SLC35B3: variants seen among roughly 807,000 people sequenced by gnomAD.
SLC35B3 encodes solute carrier family 35 member B3, also known as adenosine 3'-phospho 5'-phosphosulfate transporter 2.
In SLC35B3, 35 loss-of-function variants were observed where a neutral mutation model predicts 44.1. The observed-to-expected ratio is 0.79, with a 90% CI of 0.61 to 1.05. The LOEUF is 1.05. Ranked by LOEUF, SLC35B3 falls within the 50% of genes least tolerant of loss-of-function variation. SLC35B3 has a pLI of 0.00. For synonymous variants in SLC35B3, 146 were observed against 167.3 expected, an observed-to-expected ratio of 0.87 and a Z score of 0.98; for missense variants, 414 against 476.4, an observed-to-expected ratio of 0.87 and a Z score of 1.22.
chr6:8,411,880 A>G lies in SLC35B3; in HGVS notation c.*1669T>C, dbSNP rs1762074561. Among the ~76,000 whole-genome samples the G allele has an allele frequency of 6.6e-6, 1 of 152,216 alleles. No homozygotes were observed. The highest frequency in any genetic ancestry group is 1.5e-5 in the Non-Finnish European group (1 of 68,028). On this transcript the variant is annotated 3_prime_UTR_variant, in exon 11 of 11. Transcript: ENST00000644923. ...AAGAATAACAGTATTTTTAAAAAAT[A>G]CAATAGAAGCAATTCTAAAAATCAC...
rs574355781 is a variant in SLC35B3 at position 8,433,536 on chromosome 6, A to G, written c.3+849T>C. On this transcript the variant is annotated intron_variant, in intron 2 of 10. Transcript: ENST00000644923. This position sits in a 1 kb window ranked among gnomAD's most constrained non-coding sequence, Gnocchi z 4.1. ...TTATTCAGCTCCTTTCCAACACTTT[A>G]CCACTTCTAATACACTTCTTGGCAA... is the stretch of plus-strand genomic sequence containing the variant. 2.0e-4 allele frequency among the ~76,000 whole-genome samples: 31 copies of G among 152,260 alleles called. No homozygotes were observed. The highest frequency in any genetic ancestry group is 7.2e-4 in the African/African-American group (30 of 41,550).
rs1025595443 is a variant in SLC35B3, at chr6:8,412,046, C to T, written c.*1503G>A. 6.6e-5 allele frequency among the ~76,000 whole-genome samples: 10 copies of T among 151,992 alleles called. No homozygotes were observed. The highest frequency in any genetic ancestry group is 2.4e-4 in the African/African-American group (10 of 41,390). On this transcript the variant is annotated 3_prime_UTR_variant, in exon 11 of 11. Coordinates refer to ENST00000644923, the MANE Select transcript of SLC35B3 (RefSeq NM_001370476.2). The stretch of plus-strand genomic sequence containing the variant: ...AAAGTGATTGTATTAAGTGGTGGGG[C>T]CTTTTGGGAGGTGATAAGGTCATGA...
rs973884692 is a variant in SLC35B3 at position 8,434,267 on chromosome 6, T to C, written c.3+118A>G. The C allele has an allele frequency of 2.2e-6, 2 of 923,042 alleles. No individual in the cohort carries two copies. The highest frequency in any genetic ancestry group is 1.5e-5 in the South Asian group (1 of 67,772). The allele number at this position is 923,042 out of a possible 1,614,324, so 57.2% of individuals were successfully genotyped here. A position where few individuals can be genotyped will look rare whatever the true frequency, so the allele number is the denominator to read the frequency against. Reference sequence around the variant, plus strand: ...AGTTTTCCGACCTGAAGGACAAAAGTCCCACACCAAAAAAAGGTAGAATAT... The same window carrying C: ...AGTTTTCCGACCTGAAGGACAAAAGCCCCACACCAAAAAAAGGTAGAATAT... On this transcript the variant is annotated intron_variant, in intron 2 of 10. Transcript: ENST00000644923. This position sits in a 1 kb window ranked among gnomAD's most constrained non-coding sequence, Gnocchi z 6.3.
rs975668832 is a variant in SLC35B3, at chr6:8,428,121, T to A, written c.298-63A>T. The stretch of plus-strand genomic sequence containing the variant: ...AGCACACTAATTTCCTAAAAATAAA[T>A]TCTTAGAAACACAACATTTTTAAAG... On this transcript the variant is annotated intron_variant, in intron 3 of 10. Coordinates refer to ENST00000644923, the MANE Select transcript of SLC35B3 (RefSeq NM_001370476.2). 4 of 1,353,446 alleles carry A rather than the reference T, an allele frequency of 3.0e-6. No homozygotes were observed. The Admixed American group carries it at 1.1e-4, about 39-fold the overall frequency. The allele number at this position is 1,353,446 out of a possible 1,614,324, so 83.8% of individuals were successfully genotyped here. A position where few individuals can be genotyped will look rare whatever the true frequency, so the allele number is the denominator to read the frequency against.
In SLC35B3 at chr6:8,420,833, A is replaced by G; in HGVS notation, c.575-5T>C. 1 of 1,603,500 alleles carries G rather than the reference A, an allele frequency of 6.2e-7. No homozygotes were observed. The highest frequency in any genetic ancestry group is 8.5e-7 in the Non-Finnish European group (1 of 1,172,986). ...CTGCAACATTATAACGCTTTCCTGTATAAAACAAACGTAAGTCCACTTCAT... is the reference window on the plus strand; with the variant it reads ...CTGCAACATTATAACGCTTTCCTGTGTAAAACAAACGTAAGTCCACTTCAT... On this transcript the variant is annotated splice_region_variant and splice_polypyrimidine_tract_variant and intron_variant, in intron 5 of 10. Transcript: ENST00000644923. The surrounding 1 kb of genome is among the most constrained non-coding windows in gnomAD (Gnocchi z 4.4).
intron 2 of SLC35B3, among the ~76,000 whole-genome samples, 155 bp from the exon 2 acceptor site, chr6:8,430,312 C>T (rs1763844276): frequency 6.6e-6 from 1 of 152,098 alleles, no homozygotes; most frequent in East Asian, 1.9e-4. Flanking sequence ...TCACCAAAAA[C>T]AATATGCCTA....
In SLC35B3 at chr6:8,433,407, A is replaced by G. The variant is rs1764177670; in HGVS notation, c.3+978T>C. On this transcript the variant is annotated intron_variant, in intron 2 of 10. Coordinates refer to ENST00000644923, the MANE Select transcript of SLC35B3 (RefSeq NM_001370476.2). The surrounding 1 kb of genome is among the most constrained non-coding windows in gnomAD (Gnocchi z 4.1). Reference sequence around the variant, plus strand: ...TCTCCTAAAAGCCTATGAAATCCTTAAGGCAAGAGATATCTTCCTATGATG... The same window carrying G: ...TCTCCTAAAAGCCTATGAAATCCTTGAGGCAAGAGATATCTTCCTATGATG... Among the ~76,000 whole-genome samples, 4 of 152,206 alleles carry G rather than the reference A, an allele frequency of 2.6e-5. No homozygotes were observed. The South Asian group carries it at 8.3e-4, about 31-fold the overall frequency.
chr6:8,430,620 C>G (rs1367836143), intron 2 of SLC35B3, among the ~76,000 whole-genome samples: 1 of 152,088 alleles, frequency 6.6e-6, no homozygotes. Flanking sequence ...TGGCTCATGC[C>G]TGTAATCCCA....
Position 8,419,493 on chromosome 6 carries a change from CT to C in SLC35B3, c.780+86del. 1.6e-6 allele frequency: 1 copy of C among 639,746 alleles called. No individual in the cohort carries two copies. The allele number at this position is 639,746 out of a possible 1,614,324, so 39.6% of individuals were successfully genotyped here. ...TAAAAATGAGTTTAAAAATGCAATG[CT>C]AGTTATAATAATTATTTCATCAAAT... On this transcript the variant is annotated intron_variant, in intron 7 of 10. Coordinates refer to ENST00000644923, the MANE Select transcript of SLC35B3 (RefSeq NM_001370476.2). This position sits in a 1 kb window ranked among gnomAD's most constrained non-coding sequence, Gnocchi z 4.3.
chr6:8,422,705 T>C, intron 4 of SLC35B3, 81 bp from the exon 4 acceptor site: 1 of 1,085,542 alleles, frequency 9.2e-7, no homozygotes, highest in Non-Finnish European at 1.3e-6. Flanking sequence ...ATTGTGTAAA[T>C]GTCTAATTAC....
intron 4 of SLC35B3, among the ~76,000 whole-genome samples, chr6:8,426,044 A>G (rs949028798): frequency 6.6e-6 from 1 of 152,230 alleles, no homozygotes; most frequent in Non-Finnish European, 1.5e-5. Context: ...CTAATGCTTA[A>G]GAACGCAACC....
intron 5 of SLC35B3, among the ~76,000 whole-genome samples, chr6:8,421,539 A>G (rs17143709): frequency 0.041 from 6,178 of 152,284 alleles, 437 homozygotes; most frequent in African/African-American, 0.14. Flanking sequence ...ATCAGGCTGT[A>G]TAAGAACTTC....
chr6:8,412,396 G>A lies in SLC35B3; in HGVS notation c.*1153C>T, dbSNP rs1024143656. 1.3e-5 allele frequency among the ~76,000 whole-genome samples: 2 copies of A among 151,744 alleles called. No individual in the cohort carries two copies. Among genetic ancestry groups the A allele is most frequent in the Non-Finnish European group, 2.9e-5 (2 of 67,970 alleles). Reference sequence around the variant, plus strand: ...TTCCAAATTAAATCTTACTTTTATGGAAAAAACTAGGATAATTTTATAATT... The same window carrying A: ...TTCCAAATTAAATCTTACTTTTATGAAAAAAACTAGGATAATTTTATAATT... On this transcript the variant is annotated 3_prime_UTR_variant, in exon 11 of 11. Coordinates refer to ENST00000644923, the MANE Select transcript of SLC35B3 (RefSeq NM_001370476.2).
intron 9 of SLC35B3, 68 bp from the exon 9 acceptor site, chr6:8,415,045 C>A: frequency 9.2e-7 from 1 of 1,090,768 alleles, no homozygotes; most frequent in South Asian, 1.4e-5. Context: ...ATCACTTATT[C>A]AGCAAATATT....
At chr6:8,423,168 A>G (rs551051744) in intron 4 of SLC35B3, among the ~76,000 whole-genome samples, 92 of 152,254 alleles carry the variant, frequency 6.0e-4, no homozygotes, top group Non-Finnish European at 1.3e-3. Context: ...TGGCCTCCAT[A>G]ATGGTAAAAG....
intron 9 of SLC35B3, among the ~76,000 whole-genome samples, chr6:8,415,188 C>T (rs547170883): frequency 1.3e-5 from 2 of 152,164 alleles, no homozygotes; most frequent in South Asian, 2.1e-4. Context: ...GGGAAACAGA[C>T]ATTAAATAAT....
In SLC35B3 at chr6:8,435,488, G is replaced by A. The variant is rs1561770946; in HGVS notation, c.-189C>T. On this transcript the variant is annotated 5_prime_UTR_variant, in exon 1 of 11. Coordinates refer to ENST00000644923, the MANE Select transcript of SLC35B3 (RefSeq NM_001370476.2). This position sits in a 1 kb window ranked among gnomAD's most constrained non-coding sequence, Gnocchi z 5.5. ...CACTCCTGCACTTTCCACCGCGGCG[G>A]TCGCCTCCCCGGAAAGCACTCTCAA... The A allele has an allele frequency of 4.2e-6, 4 of 954,604 alleles. No individual in the cohort carries two copies. Among genetic ancestry groups the A allele is most frequent in the Non-Finnish European group, 4.3e-6 (3 of 704,738 alleles). The allele number at this position is 954,604 out of a possible 1,614,324, so 59.1% of individuals were successfully genotyped here.
chr6:8,417,256 T>C, intron 8 of SLC35B3, 146 bp downstream of exon 7: 6 of 634,560 alleles, frequency 9.5e-6, no homozygotes, highest in Non-Finnish European at 1.6e-5. Context: ...AGTCATTTCA[T>C]TTCTGAAATT....
rs1004335368 is a variant in SLC35B3, at chr6:8,434,483, G to T, written c.-43-53C>A. ...AAACAAAGTTCCATCTCATTTCTTTGTACACACATCATTACACAAAGGTGG... is the reference window on the plus strand; with the variant it reads ...AAACAAAGTTCCATCTCATTTCTTTTTACACACATCATTACACAAAGGTGG... On this transcript the variant is annotated intron_variant, in intron 1 of 10. Transcript: ENST00000644923. The surrounding 1 kb of genome is among the most constrained non-coding windows in gnomAD (Gnocchi z 6.3). 10 of 1,490,688 alleles carry T rather than the reference G, an allele frequency of 6.7e-6. No homozygotes were observed. The highest frequency in any genetic ancestry group is 9.3e-6 in the Non-Finnish European group (10 of 1,079,430). 92.3% of individuals were successfully genotyped at this position (1,490,688 alleles called of 1,614,324 possible). A position where few individuals can be genotyped will look rare whatever the true frequency, so the allele number is the denominator to read the frequency against.
Sources: allele counts gnomAD v4.1 joint callset (sites outside exome capture counted in the v4.1 genomes callset), GRCh38; gene constraint gnomAD v4.1.1; non-coding constraint Gnocchi (gnomAD v3.1); transcripts MANE v1.5; gene names NCBI Gene and HGNC (gene_info 2026-07-23, HGNC 2026-07-21).